The following ZNF141 variants were observed in gnomAD, a reference collection of about 807,000 sequenced individuals.
The protein encoded by ZNF141 is zinc finger protein 141 (clone pHZ-44).
In ZNF141, 7 loss-of-function variants were observed where a neutral mutation model predicts 11.3. The observed-to-expected ratio is 0.62, with a 90% CI of 0.35 to 1.16. ZNF141 has a LOEUF of 1.16. ZNF141 is among the 50% of genes most tolerant of loss of function. ZNF141 has a pLI of 0.02. For synonymous variants in ZNF141, 183 were observed against 190.7 expected (o/e 0.96, Z 0.33); for missense variants, 535 against 554.0 (o/e 0.97, Z 0.34).
chr4:367,355 C>T (rs1711793681), intron 3 of ZNF141, among the ~76,000 whole-genome samples: 1 of 152,064 alleles, frequency 6.6e-6, no homozygotes, highest in South Asian at 2.1e-4. Context: ...TTTGAATAGT[C>T]ATTGAAATCC....
At position 378,364 on chromosome 4, in the gene ZNF141, G is replaced by A. The variant is rs1712465394; in HGVS notation, c.*4502G>A. On this transcript the variant is annotated 3_prime_UTR_variant, in exon 4 of 4. Coordinates refer to ENST00000240499, the MANE Select transcript of ZNF141 (RefSeq NM_003441.4). ...GCTCACTGCAACCTCCGCCTCCCAG[G>A]TTCAAGTGATTCTCCTGCCTCAGCC... Among the ~76,000 whole-genome samples, 1 of 151,930 alleles carries A rather than the reference G, an allele frequency of 6.6e-6. No homozygotes were observed. Among genetic ancestry groups the A allele is most frequent in the South Asian group, 2.1e-4 (1 of 4,788 alleles).
chr4:368,778 G>GT (rs558041330), intron 3 of ZNF141, among the ~76,000 whole-genome samples: 2 of 152,036 alleles, frequency 1.3e-5, no homozygotes, highest in Non-Finnish European at 2.9e-5. Context: ...CTTTAGCTTT[G>GT]TATGTTTTTT....
chr4:372,492 G>A (rs572729092), intron 3 of ZNF141, among the ~76,000 whole-genome samples, 172 bp from the exon 4 acceptor site: 1 of 152,206 alleles, frequency 6.6e-6, no homozygotes, highest in Non-Finnish European at 1.5e-5. Flanking sequence ...TCACAGAAAG[G>A]TGTCTTTGTT....
Position 383,537 on chromosome 4 carries a change from C to G in ZNF141, c.*9675C>G, listed in dbSNP as rs1389286070. 5.4e-6 allele frequency: 1 copy of G among 184,496 alleles called. No individual in the cohort carries two copies. The highest frequency in any genetic ancestry group is 1.1e-5 in the Non-Finnish European group (1 of 89,900). The allele number at this position is 184,496 out of a possible 1,614,324, so 11.4% of individuals were successfully genotyped here. On this transcript the variant is annotated 3_prime_UTR_variant, in exon 4 of 4. Coordinates refer to ENST00000240499, the MANE Select transcript of ZNF141 (RefSeq NM_003441.4). Reference sequence around the variant, plus strand: ...GGGTTTGGAGGCAGGGAACTTAAGGCCAATTCGTGCTGACTTCCTACAAGA... The same window carrying G: ...GGGTTTGGAGGCAGGGAACTTAAGGGCAATTCGTGCTGACTTCCTACAAGA...
chr4:352,351 C>G (rs915894018), intron 3 of ZNF141, among the ~76,000 whole-genome samples: 1 of 152,232 alleles, frequency 6.6e-6, no homozygotes, highest in South Asian at 2.1e-4. Flanking sequence ...TATACCACTG[C>G]GCTCCAGCCT....
intron 3 of ZNF141, among the ~76,000 whole-genome samples, chr4:359,120 G>A (rs1214479019): frequency 6.6e-6 from 1 of 152,152 alleles, no homozygotes; most frequent in Admixed American, 6.5e-5. Context: ...CTGGGCTGAT[G>A]AGATTTTCAC....
chr4:346,348 CTTTATA>C (rs1482665739), intron 3 of ZNF141, among the ~76,000 whole-genome samples: 9 of 152,044 alleles, frequency 5.9e-5, no homozygotes, highest in South Asian at 4.2e-4. Context: ...AATTATGTAA[CTTTATA>C]TTTAATGTGT....
chr4:345,440 TG>T (rs1417722346), intron 3 of ZNF141, among the ~76,000 whole-genome samples: 5 of 152,166 alleles, frequency 3.3e-5, no homozygotes, highest in Admixed American at 2.6e-4. Context: ...TGGGCCACAT[TG>T]GAAGAAGAAT....
In ZNF141 at chr4:372,740, A is replaced by G; in HGVS notation, c.303A>G (p.Arg101=). ...ATTCATTCCACAAACTTATACTGAG[A>G]AGATATGAGAAATGTGGACATGATA... The part of the protein sequence containing the change: ...IEDSFHKLIL[R]RYEKCGHDNL... Residue 101 remains arginine, a synonymous_variant, in exon 4 of 4, where the codon AGA becomes AGG. Transcript: ENST00000240499. 2 of 1,613,336 alleles carry G rather than the reference A, an allele frequency of 1.2e-6. No individual in the cohort carries two copies. The highest frequency in any genetic ancestry group is 1.7e-6 in the Non-Finnish European group (2 of 1,179,550).
intron 3 of ZNF141, chr4:358,438 A>G: frequency 3.9e-6 from 1 of 258,232 alleles, no homozygotes; most frequent in Non-Finnish European, 7.7e-6. Flanking sequence ...CGCCTGCCTC[A>G]GCCTCCTGAA....
At chr4:342,989 G>T in intron 1 of ZNF141, 1 of 1,286,114 alleles carries the variant, frequency 7.8e-7, no homozygotes, top group South Asian at 1.2e-5. Flanking sequence ...AGTTCCTTGC[G>T]TGGTTAAAAA....
At chr4:363,788 T>G (rs1711595401) in intron 3 of ZNF141, among the ~76,000 whole-genome samples, 1 of 151,812 alleles carries the variant, frequency 6.6e-6, no homozygotes, top group African/African-American at 2.4e-5. Flanking sequence ...GGGGAATGCT[T>G]CTAGTTTTTG....
chr4:369,764 A>ATATATATATATTTTTTTTT, intron 3 of ZNF141, among the ~76,000 whole-genome samples: 2 of 48,724 alleles, frequency 4.1e-5, no homozygotes, highest in African/African-American at 1.7e-4. Flanking sequence ...ATATATATAT[A>ATATATATATATTTTTTTTT]TTTTTTTTTT....
At chr4:367,862 C>T (rs75389232) in intron 3 of ZNF141, among the ~76,000 whole-genome samples, 3,685 of 152,196 alleles carry the variant, frequency 0.024, 151 homozygotes, top group African/African-American at 0.084. Context: ...AATTTAAGTT[C>T]TGGGGTACAC....
chr4:363,694 C>T (rs1711589546), intron 3 of ZNF141, among the ~76,000 whole-genome samples: 1 of 150,874 alleles, frequency 6.6e-6, no homozygotes, highest in Non-Finnish European at 1.5e-5. Flanking sequence ...GGAGGCGGAG[C>T]TTGCAGTGAG....
At chr4:347,779 G>A (rs2108688965) in intron 3 of ZNF141, among the ~76,000 whole-genome samples, 1 of 149,628 alleles carries the variant, frequency 6.7e-6, no homozygotes, top group South Asian at 2.1e-4. Context: ...ATTTTCGAAT[G>A]GGTTATTCAT....
In ZNF141 at chr4:373,240, C is replaced by T; in HGVS notation, c.803C>T (p.Thr268Ile). 1 of 1,613,946 alleles carries T rather than the reference C, an allele frequency of 6.2e-7. No homozygotes were observed. Among genetic ancestry groups the T allele is most frequent in the South Asian group, 1.1e-5 (1 of 91,068 alleles). The change falls in exon 4 of 4, where the codon ACA becomes ATA. Residue 268 changes from threonine to isoleucine, a missense_variant. Thr to Ile is a moderately conservative substitution (Grantham distance 89, BLOSUM62 -1). Coordinates refer to ENST00000240499, the MANE Select transcript of ZNF141 (RefSeq NM_003441.4). Reference protein sequence around the residue: ...EECGKAFNRFTTLTKHKRIHA... With the variant: ...EECGKAFNRFITLTKHKRIHA... Reference sequence around the variant, plus strand: ...TGTGGCAAAGCCTTTAATAGGTTCACAACCCTTACTAAACATAAGAGAATT... The same window carrying T: ...TGTGGCAAAGCCTTTAATAGGTTCATAACCCTTACTAAACATAAGAGAATT...
At chr4:364,527 C>T (rs562633943) in intron 3 of ZNF141, among the ~76,000 whole-genome samples, 15 of 152,224 alleles carry the variant, frequency 9.9e-5, no homozygotes, top group East Asian at 1.9e-4. Flanking sequence ...TCTGTGGGAT[C>T]GGTGGTTATA....
intron 3 of ZNF141, among the ~76,000 whole-genome samples, chr4:363,623 T>C (rs1279554392): frequency 1.3e-5 from 2 of 152,038 alleles, no homozygotes; most frequent in African/African-American, 4.8e-5. Flanking sequence ...CCGGGTGTGG[T>C]GGCAGGCACC....
Sources: gnomAD v4.1 joint callset for allele counts (sites outside exome capture counted in the v4.1 genomes callset) on GRCh38, gnomAD v4.1.1 for gene constraint, MANE v1.5 for transcripts, NCBI Gene and HGNC (gene_info 2026-07-23, HGNC 2026-07-21) for gene names.